WASHC5: variants seen among roughly 807,000 people sequenced by gnomAD.
WASHC5 encodes WASH complex subunit 5.
A neutral mutation model predicts 150.4 loss-of-function variants in WASHC5; 101 were observed. The observed-to-expected ratio is 0.67, with a 90% confidence interval of 0.57 to 0.79. The LOEUF is 0.79. WASHC5 is among the 30% of genes least tolerant of loss of function. WASHC5 has a pLI of 0.00. For missense variants in WASHC5, 1,195 were observed against 1,396.3 expected, an observed-to-expected ratio of 0.86 and a Z score of 2.30; for synonymous variants, 467 against 491.2, an observed-to-expected ratio of 0.95 and a Z score of 0.65.
chr8:125,070,434 G>T (rs1586374878), intron 9 of WASHC5, among the ~76,000 whole-genome samples: 1 of 152,220 alleles, frequency 6.6e-6, no homozygotes, highest in East Asian at 1.9e-4. Flanking sequence ...GCAAGCCAAG[G>T]TTGTCCCTGG....
intron 8 of WASHC5, among the ~76,000 whole-genome samples, chr8:125,074,273 T>C (rs11996796): frequency 0.11 from 16,783 of 152,226 alleles, 2,166 homozygotes; most frequent in African/African-American, 0.31. Context: ...TCTAATATAT[T>C]TCTAGGAGAT....
chr8:125,047,222 C>T lies in WASHC5; in HGVS notation c.2489G>A (p.Arg830Gln), dbSNP rs749703625. 1.5e-5 allele frequency: 25 copies of T among 1,613,812 alleles called. No individual in the cohort carries two copies. The highest frequency in any genetic ancestry group is 1.0e-4 in the Admixed American group (6 of 59,974). Residue 830 changes from arginine (R) to glutamine (Q), a missense_variant, in exon 20 of 29, where the codon CGG becomes CAG. Arg to Gln is a conservative substitution (Grantham distance 43). Transcript: ENST00000318410. ...GTACACCTACTTTGGGTCTGTGATCCGCAGGATTTCTCTGCAGAGTCGACC... is the reference window on the plus strand; with the variant it reads ...GTACACCTACTTTGGGTCTGTGATCTGCAGGATTTCTCTGCAGAGTCGACC... ...FIGRLCREIL[R>Q]ITDPKMTCHI...
At chr8:125,063,500 G>C (rs1376473203) in intron 11 of WASHC5, 22 bp downstream of exon 11, 1 of 1,612,580 alleles carries the variant, frequency 6.2e-7, no homozygotes, top group Non-Finnish European at 8.5e-7. Context: ...AAACACACCA[G>C]TATTTCCTCT....
chr8:125,091,381 C>T lies in WASHC5; in HGVS notation c.-125+234G>A, dbSNP rs139543801. ...TTGGAAGGATGAGATTCGGACCAAGCAGCTGAACGGTGCTTCCTAAAGCGA... is the reference window on the plus strand; with the variant it reads ...TTGGAAGGATGAGATTCGGACCAAGTAGCTGAACGGTGCTTCCTAAAGCGA... On this transcript the variant is annotated intron_variant, in intron 1 of 28. Coordinates refer to ENST00000318410, the MANE Select transcript of WASHC5 (RefSeq NM_014846.4). Among the ~76,000 whole-genome samples, 1,081 of 152,240 alleles carry T rather than the reference C, an allele frequency of 7.1e-3. 6 individuals carry two copies. The highest frequency in any genetic ancestry group is 0.025 in the African/African-American group (1,036 of 41,538).
intron 8 of WASHC5, 95 bp from the exon 9 acceptor site, chr8:125,073,419 C>T: frequency 9.7e-7 from 1 of 1,034,558 alleles, no homozygotes; most frequent in Non-Finnish European, 1.5e-6. Context: ...AGTAACATTT[C>T]TATATAGGAT....
chr8:125,043,944 T>A, intron 22 of WASHC5, 40 bp from the exon 23 acceptor site: 1 of 1,559,946 alleles, frequency 6.4e-7, no homozygotes, highest in African/African-American at 1.6e-5. Flanking sequence ...AGTACATTCG[T>A]AAAGGCTACA....
intron 1 of WASHC5, among the ~76,000 whole-genome samples, chr8:125,088,577 G>A (rs967737437): frequency 2.0e-5 from 3 of 152,082 alleles, no homozygotes; most frequent in South Asian, 4.1e-4. Flanking sequence ...TGGTGTGAGA[G>A]AGCCCTGGGG....
chr8:125,079,783 T>C (rs1243277677), intron 5 of WASHC5, among the ~76,000 whole-genome samples: 9 of 152,158 alleles, frequency 5.9e-5, no homozygotes, highest in Non-Finnish European at 1.5e-5. Context: ...CAGGCAAGTT[T>C]TGACTCCAAA....
At chr8:125,060,871 A>C (rs961339748) in intron 12 of WASHC5, among the ~76,000 whole-genome samples, 6 of 152,184 alleles carry the variant, frequency 3.9e-5, no homozygotes, top group Admixed American at 6.5e-5. Context: ...CTCAAGTTAC[A>C]ATATCGTAAT....
At chr8:125,028,412 G>A (rs187456585) in intron 28 of WASHC5, among the ~76,000 whole-genome samples, 18 of 152,250 alleles carry the variant, frequency 1.2e-4, no homozygotes, top group Non-Finnish European at 2.4e-4. Flanking sequence ...AAGAAGAGGC[G>A]GGAGGGGCAT....
chr8:125,070,319 A>G (rs998654456), intron 9 of WASHC5, among the ~76,000 whole-genome samples: 1 of 152,252 alleles, frequency 6.6e-6, no homozygotes, highest in African/African-American at 2.4e-5. Flanking sequence ...AGATAGGTCA[A>G]TCATTTGTTT....
At chr8:125,084,660 A>T (rs1387802624) in intron 1 of WASHC5, among the ~76,000 whole-genome samples, 1 of 152,248 alleles carries the variant, frequency 6.6e-6, no homozygotes, top group Non-Finnish European at 1.5e-5. Flanking sequence ...GAGGATGGTT[A>T]GATCACTTAG....
intron 7 of WASHC5, among the ~76,000 whole-genome samples, chr8:125,076,023 T>C (rs572826918): frequency 6.6e-6 from 1 of 152,338 alleles, no homozygotes; most frequent in East Asian, 1.9e-4. Flanking sequence ...TATCTTAGAT[T>C]CAGAAAATGG....
At chr8:125,057,405 AAG>A in intron 15 of WASHC5, 149 bp downstream of exon 15, 1 of 665,026 alleles carries the variant, frequency 1.5e-6, no homozygotes, top group Non-Finnish European at 2.7e-6. Context: ...CAATAAGGGT[AAG>A]TTTATTTTTA....
chr8:125,059,319 T>C, intron 13 of WASHC5, 22 bp from the exon 14 acceptor site: 4 of 1,613,514 alleles, frequency 2.5e-6, no homozygotes, highest in South Asian at 1.1e-5. Context: ...AAAGAAACGG[T>C]AAGAAGATGT....
intron 5 of WASHC5, among the ~76,000 whole-genome samples, chr8:125,079,345 C>T (rs1011457762): frequency 2.0e-5 from 3 of 151,256 alleles, no homozygotes; most frequent in Non-Finnish European, 4.4e-5. Flanking sequence ...CATTTGCCAC[C>T]GTGCCTGGCT....
At chr8:125,047,158 T>A in intron 20 of WASHC5, 49 bp downstream of exon 20, 2 of 1,610,022 alleles carry the variant, frequency 1.2e-6, no homozygotes, top group Non-Finnish European at 1.7e-6. Context: ...CAGATGCAGA[T>A]GAGACTGCCT....
chr8:125,060,496 A>AAAAAAAC (rs1285662584), intron 12 of WASHC5, among the ~76,000 whole-genome samples: 1 of 152,178 alleles, frequency 6.6e-6, no homozygotes, highest in African/African-American at 2.4e-5. Context: ...AAAAAAAAAA[A>AAAAAAAC]AAAGAGTTTA....
At chr8:125,056,935 T>A in intron 15 of WASHC5, 118 bp from the exon 16 acceptor site, 3 of 1,181,066 alleles carry the variant, frequency 2.5e-6, no homozygotes, top group Non-Finnish European at 2.5e-6. Context: ...GTAAAAGAGC[T>A]GTTTTAATAA....
Sources: allele counts gnomAD v4.1 joint callset (sites outside exome capture counted in the v4.1 genomes callset), GRCh38; gene constraint gnomAD v4.1.1; transcripts MANE v1.5; gene names NCBI Gene and HGNC (gene_info 2026-07-23, HGNC 2026-07-21).